CLYBL: variants seen among roughly 807,000 people sequenced by gnomAD.
CLYBL encodes citramalyl-CoA lyase.
A neutral mutation model predicts 38.9 loss-of-function variants in CLYBL; 31 were observed. That is an observed-to-expected ratio of 0.80 (90% CI 0.60 to 1.08). The LOEUF is 1.08. CLYBL is among the 50% of genes least tolerant of loss of function. CLYBL has a pLI of 0.00. For synonymous variants in CLYBL, 171 were observed against 158.6 expected (o/e 1.08, Z -0.59); for missense variants, 434 against 411.6 (o/e 1.05, Z -0.47).
At chr13:99,788,016 A>G (rs935230400) in intron 2 of CLYBL, among the ~76,000 whole-genome samples, 1 of 152,192 alleles carries the variant, frequency 6.6e-6, no homozygotes, top group Non-Finnish European at 1.5e-5. Context: ...TTATTGGTGT[A>G]TAAGAATGCT....
chr13:99,768,254 G>A (rs1349054498), intron 1 of CLYBL, among the ~76,000 whole-genome samples: 3 of 139,176 alleles, frequency 2.2e-5, no homozygotes, highest in African/African-American at 8.2e-5. Flanking sequence ...AGTGCAAACG[G>A]TGCTATCTCA....
chr13:99,769,292 G>T (rs932378252), intron 1 of CLYBL, among the ~76,000 whole-genome samples: 1 of 152,114 alleles, frequency 6.6e-6, no homozygotes, highest in African/African-American at 2.4e-5. Context: ...AGCCTTCCCC[G>T]AGAAGTTGCA....
At chr13:99,611,090 GC>G (rs574416367) in intron 1 of CLYBL, among the ~76,000 whole-genome samples, 106 of 152,276 alleles carry the variant, frequency 7.0e-4, no homozygotes, top group Non-Finnish European at 1.2e-3. Flanking sequence ...TGTGATGGGG[GC>G]TATTGATTTT....
At chr13:99,862,408 G>C (rs577256418) in intron 3 of CLYBL, among the ~76,000 whole-genome samples, 1 of 152,278 alleles carries the variant, frequency 6.6e-6, no homozygotes, top group African/African-American at 2.4e-5. Context: ...CTGTGAACTG[G>C]TCTCATGGAA....
intron 2 of CLYBL, among the ~76,000 whole-genome samples, chr13:99,794,665 C>T (rs1374277859): frequency 6.6e-6 from 1 of 150,958 alleles, no homozygotes; most frequent in African/African-American, 2.4e-5. Context: ...TGTCTTGGCT[C>T]ACCACAACCT....
At position 99,711,445 on chromosome 13, in the gene CLYBL, C is replaced by T. The variant is rs544851383; in HGVS notation, c.63-61379C>T. On this transcript the variant is annotated intron_variant, in intron 1 of 8. Transcript: ENST00000339105. ...TTTTTTTGAGACGGAGTTTCGCTCT[C>T]GTTGCCCAGGCTAGAGTGCAATGGC... 5.9e-4 allele frequency among the ~76,000 whole-genome samples: 77 copies of T among 129,954 alleles called. 1 individual carries two copies. In the South Asian group the frequency reaches 0.019, roughly 31 times the overall value. The allele number at this position is 129,954 out of a possible 152,430, so 85.3% of individuals were successfully genotyped here.
At chr13:99,650,035 G>A (rs1044955081) in intron 1 of CLYBL, among the ~76,000 whole-genome samples, 5 of 151,982 alleles carry the variant, frequency 3.3e-5, no homozygotes, top group Admixed American at 1.3e-4. Flanking sequence ...AGGCCGAGGC[G>A]GGCGGATCAC....
At chr13:99,625,720 G>A (rs1732227347) in intron 1 of CLYBL, among the ~76,000 whole-genome samples, 1 of 152,206 alleles carries the variant, frequency 6.6e-6, no homozygotes, top group Non-Finnish European at 1.5e-5. Context: ...GTAGTATGAA[G>A]TAAGAGGCAC....
intron 2 of CLYBL, among the ~76,000 whole-genome samples, chr13:99,825,978 T>C (rs1367267255): frequency 1.3e-5 from 2 of 152,216 alleles, no homozygotes; most frequent in African/African-American, 2.4e-5. Flanking sequence ...CAGTATATCG[T>C]AACTCACATG....
intron 8 of CLYBL, among the ~76,000 whole-genome samples, chr13:99,904,507 C>G (rs1751858887): frequency 6.6e-6 from 1 of 151,772 alleles, no homozygotes; most frequent in Non-Finnish European, 1.5e-5. Flanking sequence ...CATTCACATC[C>G]CTGAATGATT....
chr13:99,625,214 A>C (rs938500967), intron 1 of CLYBL, among the ~76,000 whole-genome samples: 1 of 151,866 alleles, frequency 6.6e-6, no homozygotes, highest in Admixed American at 6.6e-5. Flanking sequence ...ATGTTTACTC[A>C]CCCCTGTCCC....
At chr13:99,898,860 G>A (rs922944684), downstream of CLYBL, among the ~76,000 whole-genome samples, 1 of 152,162 alleles carries the variant, frequency 6.6e-6, no homozygotes, top group African/African-American at 2.4e-5. Context: ...AGATGTGTGT[G>A]TCCCCAAAAA....
chr13:99,611,393 T>C (rs1259494032), intron 1 of CLYBL, among the ~76,000 whole-genome samples: 1 of 152,208 alleles, frequency 6.6e-6, no homozygotes, highest in African/African-American at 2.4e-5. Flanking sequence ...TTTTTGCATC[T>C]GTTGTGTTGA....
rs1326936633 is a variant in CLYBL, at chr13:99,661,101, C to G, written c.62+54344C>G. 4.6e-5 allele frequency among the ~76,000 whole-genome samples: 7 copies of G among 152,076 alleles called. No individual in the cohort carries two copies. In the East Asian group the frequency reaches 1.3e-3, roughly 29 times the overall value. On this transcript the variant is annotated intron_variant, in intron 1 of 8. Coordinates refer to ENST00000339105, the MANE Select transcript of CLYBL (RefSeq NM_206808.5). Reference sequence around the variant, plus strand: ...AAATTTTTGACAAAACACATTTACACCGAAAAATTCAAACAAAATAATTTC... The same window carrying G: ...AAATTTTTGACAAAACACATTTACAGCGAAAAATTCAAACAAAATAATTTC...
chr13:99,730,999 C>T (rs901410887), intron 1 of CLYBL, among the ~76,000 whole-genome samples: 1 of 147,226 alleles, frequency 6.8e-6, no homozygotes, highest in Non-Finnish European at 1.5e-5. Flanking sequence ...AGGAGAATCA[C>T]TTGAGCCCCG....
At chr13:99,862,091 CTGAA>C (rs1168855783) in intron 3 of CLYBL, among the ~76,000 whole-genome samples, 1 of 152,140 alleles carries the variant, frequency 6.6e-6, no homozygotes, top group Non-Finnish European at 1.5e-5. Flanking sequence ...CCAACTGAGA[CTGAA>C]TGGAGAGATG....
chr13:99,615,253 C>T (rs1406563870), intron 1 of CLYBL, among the ~76,000 whole-genome samples: 1 of 152,316 alleles, frequency 6.6e-6, no homozygotes, highest in Admixed American at 6.5e-5. Flanking sequence ...TTTGGTCACA[C>T]AGTTTCCTAA....
intron 1 of CLYBL, among the ~76,000 whole-genome samples, chr13:99,664,711 G>A (rs60143374): frequency 0.033 from 5,043 of 152,204 alleles, 286 homozygotes; most frequent in African/African-American, 0.12. Context: ...AATAGATTTG[G>A]TATGTAAAAT....
intron 1 of CLYBL, among the ~76,000 whole-genome samples, chr13:99,692,923 GCCCAGTAATGTTCAATTGTAGGAAT>G (rs544524749): frequency 1.7e-3 from 256 of 152,158 alleles, no homozygotes; most frequent in African/African-American, 5.9e-3. Context: ...CCTTTTTCTG[GCCCAGTAATGTTCAATTGTAGGAAT>G]ATACCCCATT....
Sources: allele counts gnomAD v4.1 joint callset (sites outside exome capture counted in the v4.1 genomes callset), GRCh38; gene constraint gnomAD v4.1.1; transcripts MANE v1.5; gene names NCBI Gene and HGNC (gene_info 2026-07-23, HGNC 2026-07-21).